Variants in ADAMTS6 observed in about 807,000 individuals in gnomAD.
The protein encoded by ADAMTS6 is A disintegrin and metalloproteinase with thrombospondin motifs 6.
ADAMTS6 carries 23 observed loss-of-function variants against 144.3 expected under a neutral mutation model. That is an observed-to-expected ratio of 0.16 (90% CI 0.11 to 0.23). The LOEUF (loss-of-function observed/expected upper bound fraction) is 0.23, where lower values mean the gene tolerates loss of function less well. ADAMTS6 is among the 10% of genes least tolerant of loss of function. ADAMTS6 has a pLI of 1.00. For synonymous variants in ADAMTS6, 444 were observed against 457.5 expected, an observed-to-expected ratio of 0.97 and a Z score of 0.38; for missense variants, 999 against 1,379.6, an observed-to-expected ratio of 0.72 and a Z score of 4.37.
At chr5:65,231,345 T>C (rs62369579) in intron 15 of ADAMTS6, among the ~76,000 whole-genome samples, 29,164 of 151,988 alleles carry the variant, frequency 0.19, 3,774 homozygotes, top group African/African-American at 0.37. Flanking sequence ...CAATTTACCA[T>C]TGTAAATATG....
chr5:65,268,671 G>C (rs1315227028), intron 12 of ADAMTS6, among the ~76,000 whole-genome samples: 1 of 152,142 alleles, frequency 6.6e-6, no homozygotes, highest in African/African-American at 2.4e-5. Context: ...TCCAATGGCT[G>C]TAATAGCGAT....
At chr5:65,198,096 C>T (rs753341814) in intron 20 of ADAMTS6, among the ~76,000 whole-genome samples, 2 of 152,228 alleles carry the variant, frequency 1.3e-5, no homozygotes, top group East Asian at 1.9e-4. Flanking sequence ...AAGAGAAACA[C>T]GTCAAACTAC....
intron 24 of ADAMTS6, among the ~76,000 whole-genome samples, chr5:65,154,496 GT>G (rs1256506445): frequency 2.0e-5 from 3 of 152,198 alleles, no homozygotes; most frequent in Admixed American, 2.0e-4. Flanking sequence ...GATTATGAGT[GT>G]CCCCTGAGTT....
intron 10 of ADAMTS6, among the ~76,000 whole-genome samples, chr5:65,293,426 A>C (rs1236851772): frequency 6.6e-6 from 1 of 152,176 alleles, no homozygotes; most frequent in African/African-American, 2.4e-5. Flanking sequence ...CCTAAGTGAC[A>C]CCAGCTTTTG....
chr5:65,269,662 G>C, intron 12 of ADAMTS6, among the ~76,000 whole-genome samples: 1 of 152,210 alleles, frequency 6.6e-6, no homozygotes, highest in South Asian at 2.1e-4. Context: ...TTTAGGGCTA[G>C]TAAGTCTTAT....
chr5:65,189,617 A>G (rs1450035304), intron 21 of ADAMTS6, among the ~76,000 whole-genome samples: 1 of 152,232 alleles, frequency 6.6e-6, no homozygotes, highest in Non-Finnish European at 1.5e-5. Flanking sequence ...ATCTGAAACA[A>G]GGGTCTTGAC....
At chr5:65,175,737 A>T (rs1753936770) in intron 22 of ADAMTS6, among the ~76,000 whole-genome samples, 1 of 152,194 alleles carries the variant, frequency 6.6e-6, no homozygotes, top group African/African-American at 2.4e-5. Flanking sequence ...AACATTAACC[A>T]CTGAAAATTC....
intron 15 of ADAMTS6, among the ~76,000 whole-genome samples, chr5:65,238,635 T>G (rs1580151202): frequency 6.7e-6 from 1 of 150,148 alleles, no homozygotes; most frequent in African/African-American, 2.4e-5. Flanking sequence ...TTTAGAAAGG[T>G]CACAGAATAC....
At chr5:65,474,543 G>T (rs568804545) in intron 1 of ADAMTS6, among the ~76,000 whole-genome samples, 20 of 151,994 alleles carry the variant, frequency 1.3e-4, no homozygotes, top group South Asian at 8.3e-4. Context: ...GACTTATAAG[G>T]CAACTCGTGA....
intron 7 of ADAMTS6, among the ~76,000 whole-genome samples, chr5:65,449,899 A>G (rs1247159762): frequency 2.0e-5 from 3 of 152,138 alleles, no homozygotes; most frequent in Non-Finnish European, 4.4e-5. Context: ...GTAAAAATCC[A>G]ATGGAGATAT....
At chr5:65,263,873 G>A (rs1485386076) in intron 12 of ADAMTS6, among the ~76,000 whole-genome samples, 1 of 152,066 alleles carries the variant, frequency 6.6e-6, no homozygotes, top group South Asian at 2.1e-4. Flanking sequence ...AAGGAACATG[G>A]TTATCAGCAA....
At chr5:65,345,104 A>C (rs1290943421) in intron 7 of ADAMTS6, among the ~76,000 whole-genome samples, 4 of 151,824 alleles carry the variant, frequency 2.6e-5, no homozygotes, top group African/African-American at 9.7e-5. Context: ...CATCTAAAAA[A>C]ATTCCTGGAG....
chr5:65,436,684 A>T (rs1757438048), intron 7 of ADAMTS6, among the ~76,000 whole-genome samples: 1 of 135,662 alleles, frequency 7.4e-6, no homozygotes, highest in African/African-American at 2.7e-5. Context: ...AAAATATTTA[A>T]AAAAAACCAA....
intron 11 of ADAMTS6, among the ~76,000 whole-genome samples, chr5:65,284,957 T>A (rs1763251417): frequency 6.6e-6 from 1 of 152,210 alleles, no homozygotes; most frequent in South Asian, 2.1e-4. Context: ...ATAAATTCTA[T>A]ATTTACCTAT....
intron 22 of ADAMTS6, among the ~76,000 whole-genome samples, chr5:65,183,664 T>TTAAA (rs1554043682): frequency 6.6e-5 from 10 of 151,554 alleles, no homozygotes; most frequent in African/African-American, 2.4e-4. Flanking sequence ...AATAAAAAAA[T>TTAAA]AAAAATTTCT....
chr5:65,200,499 C>T (rs10940018), intron 20 of ADAMTS6, among the ~76,000 whole-genome samples: 23,331 of 151,978 alleles, frequency 0.15, 1,876 homozygotes, highest in Non-Finnish European at 0.18. Flanking sequence ...TCCAGTTACA[C>T]GAAACCACGA....
intron 14 of ADAMTS6, among the ~76,000 whole-genome samples, chr5:65,247,018 T>C (rs1759689189): frequency 1.3e-5 from 2 of 152,196 alleles, no homozygotes; most frequent in South Asian, 4.1e-4. Context: ...GCTGACACTA[T>C]GCAGAAACCA....
intron 7 of ADAMTS6, among the ~76,000 whole-genome samples, chr5:65,432,686 A>G (rs1757087938): frequency 1.3e-5 from 2 of 152,164 alleles, no homozygotes; most frequent in Admixed American, 6.5e-5. Flanking sequence ...TTGTTTTAAC[A>G]TAAAAGAAAT....
At chr5:65,371,497 G>C (rs1405664607) in intron 7 of ADAMTS6, among the ~76,000 whole-genome samples, 1 of 152,098 alleles carries the variant, frequency 6.6e-6, no homozygotes, top group Non-Finnish European at 1.5e-5. Context: ...GAGCCAATGC[G>C]ATCAACTGGA....
Sources: gnomAD v4.1 joint callset for allele counts (sites outside exome capture counted in the v4.1 genomes callset) on GRCh38, gnomAD v4.1.1 for gene constraint, MANE v1.5 for transcripts, NCBI Gene and HGNC (gene_info 2026-07-23, HGNC 2026-07-21) for gene names.